SLCO6A1: variants seen among roughly 807,000 people sequenced by gnomAD.
SLCO6A1 encodes cancer/testis antigen 48.
In SLCO6A1, 65 loss-of-function variants were observed where a neutral mutation model predicts 72.7. The observed-to-expected ratio is 0.89, with a 90% CI of 0.73 to 1.10. The LOEUF (loss-of-function observed/expected upper bound fraction) is 1.10. Among genes scored for constraint, SLCO6A1 ranks in the 50% least tolerant of loss-of-function variants. The pLI, the probability that SLCO6A1 is intolerant of heterozygous loss-of-function variation, is 0.00. For synonymous variants in SLCO6A1, 314 were observed against 298.2 expected (o/e 1.05, Z -0.55); for missense variants, 874 against 872.6 (o/e 1.00, Z -0.02).
intron 5 of SLCO6A1, among the ~76,000 whole-genome samples, chr5:102,459,225 C>A (rs948178538): frequency 6.6e-6 from 1 of 152,030 alleles, no homozygotes; most frequent in Non-Finnish European, 1.5e-5. Context: ...GCCTGCACAA[C>A]ATAGCAAGAC....
intron 12 of SLCO6A1, among the ~76,000 whole-genome samples, chr5:102,388,049 T>C (rs1746511974): frequency 6.6e-6 from 1 of 152,148 alleles, no homozygotes; most frequent in Non-Finnish European, 1.5e-5. Context: ...AGAGAAAATA[T>C]GAAGTGTAGA....
intron 9 of SLCO6A1, among the ~76,000 whole-genome samples, chr5:102,409,560 T>C (rs1264353110): frequency 6.6e-6 from 1 of 152,156 alleles, no homozygotes; most frequent in African/African-American, 2.4e-5. Context: ...TCCATCCATA[T>C]CACATTTTAC....
chr5:102,394,187 C>G (rs1311291189), intron 10 of SLCO6A1, among the ~76,000 whole-genome samples: 4 of 152,152 alleles, frequency 2.6e-5, no homozygotes, highest in Admixed American at 2.6e-4. Flanking sequence ...CCCAGTCTTT[C>G]TAGTTGTCCT....
intron 1 of SLCO6A1, among the ~76,000 whole-genome samples, chr5:102,492,823 G>A (rs1752743717): frequency 1.3e-5 from 2 of 152,178 alleles, no homozygotes; most frequent in African/African-American, 4.8e-5. Context: ...CTGCAAGGCG[G>A]CAACGAGGCT....
intron 7 of SLCO6A1, among the ~76,000 whole-genome samples, chr5:102,437,285 C>T (rs1208524423): frequency 6.6e-6 from 1 of 152,120 alleles, no homozygotes; most frequent in Non-Finnish European, 1.5e-5. Context: ...GTAGAATTTG[C>T]AATTGCTAAT....
rs201586744 is a variant in SLCO6A1, at chr5:102,388,780, G to A, written c.1925C>T (p.Ser642Phe). Residue 642 changes from serine (S) to phenylalanine (F), a missense_variant, in exon 12 of 14, where the codon TCT becomes TTT. Coordinates refer to ENST00000506729, the MANE Select transcript of SLCO6A1 (RefSeq NM_173488.5). ...TTTATTAACATCCCGTAAAATACAAGAAGTTTCTCCTGACATTTTAAAGAT... is the reference window on the plus strand; with the variant it reads ...TTTATTAACATCCCGTAAAATACAAAAAGTTTCTCCTGACATTTTAAAGAT... ...PSIFKMSGET[S>F]CILRDVNKCG... 6.8e-5 allele frequency: 109 copies of A among 1,608,206 alleles called. No individual in the cohort carries two copies. Among genetic ancestry groups the A allele is most frequent in the Non-Finnish European group, 8.8e-5 (104 of 1,178,228 alleles).
At chr5:102,497,123 T>C (rs763746977) in intron 1 of SLCO6A1, among the ~76,000 whole-genome samples, 17 of 152,176 alleles carry the variant, frequency 1.1e-4, no homozygotes, top group Non-Finnish European at 2.4e-4. Context: ...AATGCCATCA[T>C]TGAAAAGAGG....
intron 12 of SLCO6A1, among the ~76,000 whole-genome samples, chr5:102,388,216 CT>C (rs1490039136): frequency 6.6e-6 from 1 of 152,150 alleles, no homozygotes; most frequent in African/African-American, 2.4e-5. Flanking sequence ...TAAAATTCTG[CT>C]AATTATCATT....
chr5:102,471,386 G>A (rs1012815824), intron 4 of SLCO6A1, among the ~76,000 whole-genome samples: 6 of 152,006 alleles, frequency 3.9e-5, no homozygotes, highest in Non-Finnish European at 7.4e-5. Flanking sequence ...AGGACAGCCT[G>A]AAATTCTAAC....
At chr5:102,417,229 T>C (rs1748332128) in intron 8 of SLCO6A1, among the ~76,000 whole-genome samples, 1 of 152,116 alleles carries the variant, frequency 6.6e-6, no homozygotes, top group South Asian at 2.1e-4. Context: ...TACTACTATC[T>C]ATATTTGAAA....
Position 102,498,713 on chromosome 5 carries a change from G to A in SLCO6A1, c.132C>T (p.Pro44=), listed in dbSNP as rs1561509974. 6.2e-7 allele frequency: 1 copy of A among 1,613,962 alleles called. No homozygotes were observed. Among genetic ancestry groups the A allele is most frequent in the Non-Finnish European group, 8.5e-7 (1 of 1,179,992 alleles). ...RAKGTPKSSK[P]GKKHRYLRLL... The stretch of plus-strand genomic sequence containing the variant: ...GTCTCAGATACCGGTGTTTTTTCCC[G>A]GGCTTCGAGGACTTCGGGGTTCCCT... The change falls in exon 1 of 14, where the codon CCC becomes CCT. Residue 44 remains proline (P), a synonymous_variant. Coordinates refer to ENST00000506729, the MANE Select transcript of SLCO6A1 (RefSeq NM_173488.5).
chr5:102,477,814 T>A lies in SLCO6A1; in HGVS notation c.664A>T (p.Ile222Leu), dbSNP rs927237509. Reference sequence around the variant, plus strand: ...GACAGGTATTTTGATTGGAATGATATACCACTGCTCTGGCAACCACTGACA... The same window carrying A: ...GACAGGTATTTTGATTGGAATGATAAACCACTGCTCTGGCAACCACTGACA... ...KVVSGCQSSG[I>L]SFQSKYLSFF... The change falls in exon 3 of 14, where the codon ATA becomes TTA. Residue 222 changes from isoleucine (I) to leucine (L), a missense_variant. Physicochemically the swap from Ile to Leu is conservative, Grantham distance 5 (BLOSUM62 2). Coordinates refer to ENST00000506729, the MANE Select transcript of SLCO6A1 (RefSeq NM_173488.5). The A allele has an allele frequency of 3.1e-6, 5 of 1,613,504 alleles. No individual in the cohort carries two copies. The highest frequency in any genetic ancestry group is 3.4e-6 in the Non-Finnish European group (4 of 1,179,706).
intron 6 of SLCO6A1, among the ~76,000 whole-genome samples, chr5:102,439,557 C>T (rs1400251337): frequency 6.6e-6 from 1 of 152,040 alleles, no homozygotes; most frequent in South Asian, 2.1e-4. Context: ...ATTCTCAGTG[C>T]TATCTGATTT....
At chr5:102,449,896 T>C (rs374721116) in intron 6 of SLCO6A1, among the ~76,000 whole-genome samples, 1 of 152,232 alleles carries the variant, frequency 6.6e-6, no homozygotes, top group East Asian at 1.9e-4. Context: ...AAACCACTGG[T>C]CTTCAAGCTC....
At chr5:102,384,188 T>C (rs1746279085) in intron 12 of SLCO6A1, among the ~76,000 whole-genome samples, 1 of 151,958 alleles carries the variant, frequency 6.6e-6, no homozygotes, top group Non-Finnish European at 1.5e-5. Flanking sequence ...TGACATTTGC[T>C]CTGATTTTTA....
chr5:102,474,311 G>A (rs1751784134), intron 4 of SLCO6A1, among the ~76,000 whole-genome samples: 1 of 151,826 alleles, frequency 6.6e-6, no homozygotes, highest in Non-Finnish European at 1.5e-5. Flanking sequence ...AGGGTGCCAA[G>A]GCTACACAAT....
At position 102,468,166 on chromosome 5, in the gene SLCO6A1, T is replaced by C. The variant is rs191720244; in HGVS notation, c.899+7531A>G. 2.2e-3 allele frequency among the ~76,000 whole-genome samples: 328 copies of C among 152,280 alleles called. 4 individuals carry two copies. Among genetic ancestry groups the C allele is most frequent in the African/African-American group, 7.6e-3 (317 of 41,574 alleles). On this transcript the variant is annotated intron_variant, in intron 4 of 13. Transcript: ENST00000506729. ...TTGAGGTTTCCTTTTGGAGTAGATT[T>C]CCAATTTTATTCCACTGTGGTCTGA...
intron 6 of SLCO6A1, among the ~76,000 whole-genome samples, chr5:102,443,775 T>TA (rs1749965623): frequency 6.6e-6 from 1 of 152,176 alleles, no homozygotes; most frequent in Non-Finnish European, 1.5e-5. Context: ...TTTCTTTTCT[T>TA]AAAAATAAAT....
rs779966150 is a variant in SLCO6A1, at chr5:102,419,906, T to C, written c.1392A>G (p.Ile464Met). 3 of 1,608,942 alleles carry C rather than the reference T, an allele frequency of 1.9e-6. No homozygotes were observed. Among genetic ancestry groups the C allele is most frequent in the East Asian group, 2.2e-5 (1 of 44,644 alleles). ...TAATAAACACAAGCAGTATAAGTGA[T>C]ATCACAGATGTAACCATTATAAATC... ...LMRFIMVTSVISLILLVFIIF... is the reference protein window; with the variant it reads ...LMRFIMVTSVMSLILLVFIIF... Residue 464 changes from isoleucine (I) to methionine (M), a missense_variant, in exon 8 of 14, where the codon ATA becomes ATG. By Grantham distance (10) the Ile-to-Met change is conservative. Transcript: ENST00000506729.
Sources: allele counts gnomAD v4.1 joint callset (sites outside exome capture counted in the v4.1 genomes callset), GRCh38; gene constraint gnomAD v4.1.1; transcripts MANE v1.5; gene names NCBI Gene and HGNC (gene_info 2026-07-23, HGNC 2026-07-21).